Variants in MYT1 observed in about 807,000 individuals in gnomAD.
MYT1 encodes myelin transcription factor I.
A neutral mutation model predicts 123.0 loss-of-function variants in MYT1; 23 were observed. That is an observed-to-expected ratio of 0.19 (90% CI 0.13 to 0.26). The LOEUF is 0.26. Among genes scored for constraint, MYT1 ranks in the 10% least tolerant of loss-of-function variants. MYT1 has a pLI of 1.00. For missense variants in MYT1, 1,125 were observed against 1,472.5 expected (o/e 0.76, Z 3.86); for synonymous variants, 518 against 575.3 (o/e 0.90, Z 1.43).
chr20:64,195,365 TGTGTGTGTGTGTG>T, intron 2 of MYT1, among the ~76,000 whole-genome samples: 1 of 95,634 alleles, frequency 1.0e-5, no homozygotes, highest in Non-Finnish European at 2.1e-5. Flanking sequence ...TGTGTGTGTG[TGTGTGTGTGTGTG>T]TGTGTGTGTG....
chr20:64,196,295 C>G lies in MYT1; in HGVS notation c.1-2567C>G, dbSNP rs910875257. ...CTGGGGGGCTGCCGTCCAGGGATCA[C>G]CAAGGTGAGCCTGGGTGGTGCTGGG... On this transcript the variant is annotated intron_variant, in intron 2 of 22. Transcript: ENST00000328439. This position sits in a 1 kb window ranked among gnomAD's most constrained non-coding sequence, Gnocchi z 4.3. Among the ~76,000 whole-genome samples, 6 of 152,264 alleles carry G rather than the reference C, an allele frequency of 3.9e-5. No homozygotes were observed. Among genetic ancestry groups the G allele is most frequent in the African/African-American group, 1.4e-4 (6 of 41,470 alleles).
At chr20:64,178,513 T>C (rs1471647185) in intron 1 of MYT1, among the ~76,000 whole-genome samples, 2 of 152,044 alleles carry the variant, frequency 1.3e-5, no homozygotes, top group South Asian at 4.2e-4. Flanking sequence ...GTGGGAGCAC[T>C]GAGCCGTTAT....
chr20:64,183,473 T>C (rs1982709568), intron 1 of MYT1, among the ~76,000 whole-genome samples: 1 of 152,252 alleles, frequency 6.6e-6, no homozygotes, highest in South Asian at 2.1e-4. Flanking sequence ...GATTGTGCTA[T>C]TTTACATTCG....
chr20:64,200,865 C>T (rs934561934), intron 4 of MYT1, among the ~76,000 whole-genome samples: 7 of 152,358 alleles, frequency 4.6e-5, no homozygotes, highest in Admixed American at 4.6e-4. Context: ...TGTGCCAGCA[C>T]TTCCGGTCTG....
At position 64,189,532 on chromosome 20, in the gene MYT1, C is replaced by T. The variant is rs554942931; in HGVS notation, c.-98-531C>T. Among the ~76,000 whole-genome samples the T allele has an allele frequency of 2.0e-5, 3 of 152,292 alleles. No homozygotes were observed. The highest frequency in any genetic ancestry group is 3.9e-4 in the East Asian group (2 of 5,186). ...GCATGCTGGGGCCCCCGGGATCCTGCGGGAGGCAAAGCTGATTTGAGACCA... is the reference window on the plus strand; with the variant it reads ...GCATGCTGGGGCCCCCGGGATCCTGTGGGAGGCAAAGCTGATTTGAGACCA... On this transcript the variant is annotated intron_variant, in intron 1 of 22. Coordinates refer to ENST00000328439, the MANE Select transcript of MYT1 (RefSeq NM_004535.3). This position sits in a 1 kb window ranked among gnomAD's most constrained non-coding sequence, Gnocchi z 5.5.
intron 7 of MYT1, among the ~76,000 whole-genome samples, chr20:64,210,015 G>A (rs1983619470): frequency 6.6e-6 from 1 of 152,126 alleles, no homozygotes; most frequent in South Asian, 2.1e-4. Flanking sequence ...AGGGACAGGT[G>A]TCAAGGGCCC....
In MYT1 at chr20:64,189,750, C is replaced by T. The variant is rs1982912205; in HGVS notation, c.-98-313C>T. Among the ~76,000 whole-genome samples the T allele has an allele frequency of 1.3e-5, 2 of 152,192 alleles. No individual in the cohort carries two copies. The highest frequency in any genetic ancestry group is 1.5e-5 in the Non-Finnish European group (1 of 68,040). Reference sequence around the variant, plus strand: ...CATGCCAAGTTTTCTCAAGGTGGCTCTCAGCTGCCTTGTCCCAGCACTCTG... The same window carrying T: ...CATGCCAAGTTTTCTCAAGGTGGCTTTCAGCTGCCTTGTCCCAGCACTCTG... On this transcript the variant is annotated intron_variant, in intron 1 of 22. Transcript: ENST00000328439. This position sits in a 1 kb window ranked among gnomAD's most constrained non-coding sequence, Gnocchi z 5.5.
At chr20:64,200,991 T>C (rs1465035645) in intron 4 of MYT1, among the ~76,000 whole-genome samples, 1 of 152,080 alleles carries the variant, frequency 6.6e-6, no homozygotes, top group Non-Finnish European at 1.5e-5. Context: ...AAGCGGTGAT[T>C]GCGACGGCGA....
At chr20:64,172,741 C>CTTTTTTTTTTTTTTTTTTTTTTT (rs33943131) in intron 1 of MYT1, among the ~76,000 whole-genome samples, 1 of 95,548 alleles carries the variant, frequency 1.0e-5, no homozygotes, top group Non-Finnish European at 2.0e-5. Flanking sequence ...GCCATACCCT[C>CTTTTTTTTTTTTTTTTTTTTTTT]TTTTTTTTTT....
In MYT1 at chr20:64,232,612, C is replaced by T. The variant is rs537465380; in HGVS notation, c.2897+227C>T. On this transcript the variant is annotated intron_variant, in intron 19 of 22. Transcript: ENST00000328439. This position sits in a 1 kb window ranked among gnomAD's most constrained non-coding sequence, Gnocchi z 6.9. ...TCGCCATGCGTCTCCCCTCATACGC[C>T]ACCCTTCCACATCCTGATGGAGTCC... Among the ~76,000 whole-genome samples the T allele has an allele frequency of 6.6e-6, 1 of 152,242 alleles. No homozygotes were observed. The highest frequency in any genetic ancestry group is 2.4e-5 in the African/African-American group (1 of 41,532).
chr20:64,182,700 A>G (rs924407066), intron 1 of MYT1, among the ~76,000 whole-genome samples: 22 of 152,106 alleles, frequency 1.4e-4, no homozygotes, highest in African/African-American at 5.1e-4. Context: ...GCAGGGAGTG[A>G]TAGGCATCAA....
chr20:64,195,397 TATAC>T (rs869297542), intron 2 of MYT1, among the ~76,000 whole-genome samples: 1 of 64,312 alleles, frequency 1.6e-5, no homozygotes, highest in Non-Finnish European at 2.9e-5. Context: ...TGTGTGTGTG[TATAC>T]TTTTTTTTTT....
rs779802233 is a variant in MYT1, at chr20:64,212,183, C to T, written c.1517+45C>T. On this transcript the variant is annotated intron_variant, in intron 9 of 22. Coordinates refer to ENST00000328439, the MANE Select transcript of MYT1 (RefSeq NM_004535.3). The surrounding 1 kb of genome is among the most constrained non-coding windows in gnomAD (Gnocchi z 6.8). ...CCGTAGTGGGGGCCAGGGTGGGGGC[C>T]GTGGTGGGGGCCAGGGTGGGGGCCG... is the stretch of plus-strand genomic sequence containing the variant. The T allele has an allele frequency of 1.6e-5, 8 of 494,936 alleles. No homozygotes were observed. The highest frequency in any genetic ancestry group is 1.2e-4 in the Admixed American group (4 of 33,212). 30.7% of individuals were successfully genotyped at this position (494,936 alleles called of 1,614,324 possible). A position where few individuals can be genotyped will look rare whatever the true frequency, so the allele number is the denominator to read the frequency against.
At chr20:64,199,205 A>C (rs1159017135) in intron 3 of MYT1, among the ~76,000 whole-genome samples, 1 of 152,166 alleles carries the variant, frequency 6.6e-6, no homozygotes, top group Admixed American at 6.5e-5. Context: ...TCTGTTTGGA[A>C]ATGAGAGGCC....
At chr20:64,229,915 G>T (rs933070779) in intron 18 of MYT1, among the ~76,000 whole-genome samples, 18 of 152,134 alleles carry the variant, frequency 1.2e-4, no homozygotes, top group African/African-American at 4.1e-4. Flanking sequence ...CCCTGGAGGG[G>T]ACTTCTGGTC....
chr20:64,193,402 G>A lies in MYT1; in HGVS notation c.-1+3242G>A, dbSNP rs1045595590. On this transcript the variant is annotated intron_variant, in intron 2 of 22. Coordinates refer to ENST00000328439, the MANE Select transcript of MYT1 (RefSeq NM_004535.3). The surrounding 1 kb of genome is among the most constrained non-coding windows in gnomAD (Gnocchi z 4.0). ...TCCTCCTGGGATACTCGGGAGGGGA[G>A]CAACACAAATGCTTGAATGCTGCTC... is the stretch of plus-strand genomic sequence containing the variant. Among the ~76,000 whole-genome samples the A allele has an allele frequency of 1.3e-5, 2 of 152,170 alleles. No individual in the cohort carries two copies. Among genetic ancestry groups the A allele is most frequent in the Non-Finnish European group, 2.9e-5 (2 of 68,040 alleles).
intron 19 of MYT1, among the ~76,000 whole-genome samples, chr20:64,235,739 T>C (rs1412857702): frequency 1.5e-4 from 18 of 121,180 alleles, no homozygotes; most frequent in Admixed American, 3.9e-4. Context: ...TGGCTGGCTG[T>C]GGTGGGTGAC....
rs1238298607 is a variant in MYT1 at position 64,190,052 on chromosome 20, T to TA, written c.-98-8dup. 3 of 152,658 alleles carry TA rather than the reference T, an allele frequency of 2.0e-5. No homozygotes were observed. The highest frequency in any genetic ancestry group is 2.1e-4 in the South Asian group (1 of 4,828). 9.5% of individuals were successfully genotyped at this position (152,658 alleles called of 1,614,324 possible). A position where few individuals can be genotyped will look rare whatever the true frequency, so the allele number is the denominator to read the frequency against. ...TTCCTTTTCTGACCTTGAACCTTTT[T>TA]AAACCCTCAGAAAATGAGTTCCGAG... is the stretch of plus-strand genomic sequence containing the variant. On this transcript the variant is annotated splice_polypyrimidine_tract_variant and intron_variant, in intron 1 of 22. Coordinates refer to ENST00000328439, the MANE Select transcript of MYT1 (RefSeq NM_004535.3). This position sits in a 1 kb window ranked among gnomAD's most constrained non-coding sequence, Gnocchi z 4.1.
chr20:64,237,288 G>T lies in MYT1; in HGVS notation c.2991G>T (p.Val997=), dbSNP rs147522345. The T allele has an allele frequency of 2.1e-5, 34 of 1,610,442 alleles. No individual in the cohort carries two copies. The African/African-American group carries it at 4.1e-4, about 20-fold the overall frequency. ...VLSPKFKTSD[V]LENDEEIKQL... ...AACTGAGGTTTCTCTCTGGGTCAGT[G>T]TTGGAGAATGATGAGGAGATCAAGC... The change falls in exon 21 of 23, where the codon GTG becomes GTT. Residue 997 remains valine, a splice_region_variant and synonymous_variant. Coordinates refer to ENST00000328439, the MANE Select transcript of MYT1 (RefSeq NM_004535.3).
Sources: allele counts gnomAD v4.1 joint callset (sites outside exome capture counted in the v4.1 genomes callset), GRCh38; gene constraint gnomAD v4.1.1; non-coding constraint Gnocchi (gnomAD v3.1); transcripts MANE v1.5; gene names NCBI Gene and HGNC (gene_info 2026-07-23, HGNC 2026-07-21).